Variants in ZNF132 observed in about 807,000 individuals in gnomAD.
ZNF132 encodes zinc finger protein 132 (clone pHZ-12).
ZNF132 carries 6 observed loss-of-function variants against 9.3 expected under a neutral mutation model. The observed-to-expected ratio is 0.65, with a 90% CI of 0.35 to 1.28. The LOEUF (loss-of-function observed/expected upper bound fraction) is 1.28. ZNF132 is among the 50% of genes most tolerant of loss of function. The pLI, the probability that ZNF132 is intolerant of heterozygous loss-of-function variation, is 0.03. For missense variants in ZNF132, 877 were observed against 843.2 expected, an observed-to-expected ratio of 1.04 and a Z score of -0.50; for synonymous variants, 296 against 292.0, an observed-to-expected ratio of 1.01 and a Z score of -0.14.
At chr19:58,438,442 C>T (rs1332006982) in intron 1 of ZNF132, among the ~76,000 whole-genome samples, 2 of 151,806 alleles carry the variant, frequency 1.3e-5, no homozygotes, top group Non-Finnish European at 2.9e-5. Context: ...CTCCTCACAC[C>T]AACTTCCACA....
Position 58,434,643 on chromosome 19 carries a change from T to G in ZNF132, c.801A>C (p.Pro267=). The G allele has an allele frequency of 6.2e-7, 1 of 1,614,250 alleles. No individual in the cohort carries two copies. Among genetic ancestry groups the G allele is most frequent in the Non-Finnish European group, 8.5e-7 (1 of 1,180,046 alleles). ...THSEEIPFTC[P]TGGNFLEEKS... Reference sequence around the variant, plus strand: ...TCTCCTCTAAGAAATTTCCACCTGTTGGGCATGTAAATGGTATCTCTTCAG... The same window carrying G: ...TCTCCTCTAAGAAATTTCCACCTGTGGGGCATGTAAATGGTATCTCTTCAG... The change falls in exon 3 of 3, where the codon CCA becomes CCC. Residue 267 remains proline, a synonymous_variant. Coordinates refer to ENST00000254166, the MANE Select transcript of ZNF132 (RefSeq NM_003433.4).
chr19:58,433,480 T>C lies in ZNF132; in HGVS notation c.1964A>G (p.Tyr655Cys). The C allele has an allele frequency of 6.2e-7, 1 of 1,614,132 alleles. No homozygotes were observed. The highest frequency in any genetic ancestry group is 8.5e-7 in the Non-Finnish European group (1 of 1,180,010). ...GGCTTTTCCACACTGGATGCACTCA[T>C]AGGGCCTTTCTTGTGTGTGAACTCT... ...HQRVHTQERP[Y>C]ECIQCGKAFS... Residue 655 changes from tyrosine to cysteine, a missense_variant, in exon 3 of 3, where the codon TAT (tyrosine) becomes TGT (cysteine). Physicochemically the swap from Tyr to Cys is radical, Grantham distance 194. Coordinates refer to ENST00000254166, the MANE Select transcript of ZNF132 (RefSeq NM_003433.4).
Position 58,439,963 on chromosome 19 carries a change from G to C in ZNF132, c.-142C>G. The C allele has an allele frequency of 1.3e-6, 1 of 759,614 alleles. No individual in the cohort carries two copies. The highest frequency in any genetic ancestry group is 1.7e-5 in the South Asian group (1 of 57,616). 47.1% of individuals were successfully genotyped at this position (759,614 alleles called of 1,614,324 possible). The stretch of plus-strand genomic sequence containing the variant: ...ACCGCAGGGACGAAGGCTGGGTATG[G>C]AGACCCTGGAGACGCGTGGCGCTGG... On this transcript the variant is annotated 5_prime_UTR_variant, in exon 1 of 3. Coordinates refer to ENST00000254166, the MANE Select transcript of ZNF132 (RefSeq NM_003433.4).
Position 58,434,962 on chromosome 19 carries a change from T to G in ZNF132, c.482A>C (p.Gln161Pro). 1 of 1,614,206 alleles carries G rather than the reference T, an allele frequency of 6.2e-7. No individual in the cohort carries two copies. Among genetic ancestry groups the G allele is most frequent in the South Asian group, 1.1e-5 (1 of 91,078 alleles). The change falls in exon 3 of 3, where the codon CAG (glutamine) becomes CCG (proline). Residue 161 changes from glutamine (Q) to proline (P), a missense_variant. Transcript: ENST00000254166. ...FWLNANLHQH[Q>P]KEHSGGKPFR... ...GGGCTTCCCTCCACTGTGCTCCTTC[T>G]GGTGCTGGTGAAGGTTTGCATTCAA...
chr19:58,434,622 C>G lies in ZNF132; in HGVS notation c.822G>C (p.Glu274Asp). 1 of 1,614,176 alleles carries G rather than the reference C, an allele frequency of 6.2e-7. No homozygotes were observed. The highest frequency in any genetic ancestry group is 8.5e-7 in the Non-Finnish European group (1 of 1,180,026). The part of the protein sequence containing the change: ...FTCPTGGNFL[E>D]EKSILGNKKF... ...TTTTATTACCAAGGATTGATTTCTCCTCTAAGAAATTTCCACCTGTTGGGC... is the reference window on the plus strand; with the variant it reads ...TTTTATTACCAAGGATTGATTTCTCGTCTAAGAAATTTCCACCTGTTGGGC... Residue 274 changes from glutamate to aspartate, a missense_variant, in exon 3 of 3, where the codon GAG becomes GAC. By Grantham distance (45) the Glu-to-Asp change is conservative (BLOSUM62 2). Coordinates refer to ENST00000254166, the MANE Select transcript of ZNF132 (RefSeq NM_003433.4).
In ZNF132 at chr19:58,434,636, C is replaced by T. The variant is rs139148523; in HGVS notation, c.808G>A (p.Gly270Arg). 6 of 1,614,126 alleles carry T rather than the reference C, an allele frequency of 3.7e-6. No homozygotes were observed. The highest frequency in any genetic ancestry group is 5.1e-6 in the Non-Finnish European group (6 of 1,180,016). Residue 270 changes from glycine (G) to arginine (R), a missense_variant, in exon 3 of 3, where the codon GGA becomes AGA. Transcript: ENST00000254166. ...EEIPFTCPTG[G>R]NFLEEKSILG... ...ATTGATTTCTCCTCTAAGAAATTTC[C>T]ACCTGTTGGGCATGTAAATGGTATC...
Position 58,437,211 on chromosome 19 carries a change from G to T in ZNF132, c.68C>A (p.Thr23Asn), listed in dbSNP as rs370065697. 1.9e-6 allele frequency: 3 copies of T among 1,589,750 alleles called. No individual in the cohort carries two copies. The highest frequency in any genetic ancestry group is 2.7e-5 in the African/African-American group (2 of 73,904). Residue 23 changes from threonine to asparagine, a missense_variant, in exon 2 of 3, where the codon ACT becomes AAT. By Grantham distance (65) the Thr-to-Asn change is moderately conservative. Transcript: ENST00000254166. ...PALLMGPAQH[T>N]SWPCGSAVPT... ...GACAGCTGAGCCACAGGGCCAAGAA[G>T]TATGCTGACAAAGAAACAAACAATT...
At chr19:58,435,384 G>A in intron 2 of ZNF132, 173 bp from the exon 3 acceptor site, 1 of 711,446 alleles carries the variant, frequency 1.4e-6, no homozygotes, top group East Asian at 2.7e-5. Context: ...GCAGGATAGG[G>A]ACCAGCCAAG....
Position 58,434,057 on chromosome 19 carries a change from C to G in ZNF132, c.1387G>C (p.Glu463Gln). The G allele has an allele frequency of 6.2e-7, 1 of 1,613,614 alleles. No homozygotes were observed. ...HTGERPFECS[E>Q]CGRDFSQSSH... is the part of the protein sequence containing the mutation. ...CTTTGGCTGAAGTCTCTTCCACATT[C>G]ACTGCACTCAAAAGGCCGTTCTCCG... Residue 463 changes from glutamate to glutamine, a missense_variant, in exon 3 of 3, where the codon GAA (glutamate) becomes CAA (glutamine). Transcript: ENST00000254166.
In ZNF132 at chr19:58,433,002, G is replaced by GGATCA; in HGVS notation, c.*320_*321insTGATC. 4.7e-6 allele frequency: 1 copy of GGATCA among 211,912 alleles called. No homozygotes were observed. The highest frequency in any genetic ancestry group is 6.1e-5 in the East Asian group (1 of 16,418). The allele number at this position is 211,912 out of a possible 1,614,324, so 13.1% of individuals were successfully genotyped here. Reference sequence around the variant, plus strand: ...CCCTCAAGGCCCCTCAACCAGCATCGGTTCAGCTGAGCACAGTCCTGAATC... The same window carrying GGATCA: ...CCCTCAAGGCCCCTCAACCAGCATCGGATCAGTTCAGCTGAGCACAGTCCTGAATC... On this transcript the variant is annotated 3_prime_UTR_variant, in exon 3 of 3. Coordinates refer to ENST00000254166, the MANE Select transcript of ZNF132 (RefSeq NM_003433.4).
intron 1 of ZNF132, among the ~76,000 whole-genome samples, chr19:58,439,354 G>A (rs4603677): frequency 6.6e-6 from 1 of 151,916 alleles, no homozygotes; most frequent in Non-Finnish European, 1.5e-5. Context: ...ACCTTCCATG[G>A]CTCCCACCAC....
Position 58,434,540 on chromosome 19 carries a change from G to T in ZNF132, c.904C>A (p.His302Asn). Residue 302 changes from histidine to asparagine, a missense_variant, in exon 3 of 3, where the codon CAC becomes AAC. Physicochemically the swap from His to Asn is moderately conservative, Grantham distance 68 (BLOSUM62 1). Transcript: ENST00000254166. ...VCKECGKAFS[H>N]SSKLRKHQKF... ...TGGTGCTTCCTCAGCTTAGATGAGT[G>T]ACTAAAGGCCTTCCCACACTCCTTA... 1 of 1,614,180 alleles carries T rather than the reference G, an allele frequency of 6.2e-7. No homozygotes were observed. The highest frequency in any genetic ancestry group is 8.5e-7 in the Non-Finnish European group (1 of 1,180,034).
chr19:58,439,080 C>G (rs1409755173), intron 1 of ZNF132, among the ~76,000 whole-genome samples: 1 of 152,168 alleles, frequency 6.6e-6, no homozygotes, highest in Non-Finnish European at 1.5e-5. Flanking sequence ...AGCCTTAGGT[C>G]AATCTTAACA....
At chr19:58,435,317 G>A (rs1044593277) in intron 2 of ZNF132, 106 bp from the exon 3 acceptor site, 2 of 1,325,966 alleles carry the variant, frequency 1.5e-6, no homozygotes, top group African/African-American at 2.9e-5. Flanking sequence ...AGGTCCCAGG[G>A]ATTGCTGACA....
chr19:58,433,369 A>G lies in ZNF132; in HGVS notation c.2075T>C (p.Phe692Ser). The G allele has an allele frequency of 6.2e-7, 1 of 1,614,214 alleles. No individual in the cohort carries two copies. Among genetic ancestry groups the G allele is most frequent in the South Asian group, 1.1e-5 (1 of 91,090 alleles). Residue 692 changes from phenylalanine (F) to serine (S), a missense_variant, in exon 3 of 3, where the codon TTC becomes TCC. By Grantham distance (155) the Phe-to-Ser change is radical. Transcript: ENST00000254166. ...TYECSQCGKLFSHLCNLAQHK... is the reference protein window; with the variant it reads ...TYECSQCGKLSSHLCNLAQHK... ...CTGTGCAAGGTTACAAAGATGGCTGAAGAGTTTCCCACACTGGCTACACTC... is the reference window on the plus strand; with the variant it reads ...CTGTGCAAGGTTACAAAGATGGCTGGAGAGTTTCCCACACTGGCTACACTC...
In ZNF132 at chr19:58,433,431, A is replaced by C. The variant is rs2052753664; in HGVS notation, c.2013T>G (p.Val671=). The change falls in exon 3 of 3, where the codon GTT becomes GTG. Residue 671 remains valine (V), a synonymous_variant. Transcript: ENST00000254166. ...CTCTGGTGTGAACTTTCTGGTGCCG[A>C]ACAAGTGTAGATCTTTCACTAAAGG... ...GKAFSERSTL[V]RHQKVHTRER... 1.2e-6 allele frequency: 2 copies of C among 1,614,146 alleles called. No individual in the cohort carries two copies. The highest frequency in any genetic ancestry group is 1.3e-5 in the African/African-American group (1 of 75,036).
chr19:58,439,958 G>GT lies in ZNF132; in HGVS notation c.-138dup. 1 of 856,292 alleles carries GT rather than the reference G, an allele frequency of 1.2e-6. No individual in the cohort carries two copies. Among genetic ancestry groups the GT allele is most frequent in the Non-Finnish European group, 1.8e-6 (1 of 559,466 alleles). The allele number at this position is 856,292 out of a possible 1,614,324, so 53.0% of individuals were successfully genotyped here. On this transcript the variant is annotated 5_prime_UTR_variant, in exon 1 of 3. It removes the in-frame stop codon of an upstream open reading frame in the 5' UTR. Transcript: ENST00000254166. The stretch of plus-strand genomic sequence containing the variant: ...TGGGCACCGCAGGGACGAAGGCTGG[G>GT]TATGGAGACCCTGGAGACGCGTGGC...
chr19:58,434,994 G>A lies in ZNF132; in HGVS notation c.450C>T (p.Asp150=), dbSNP rs777716291. 6.2e-7 allele frequency: 1 copy of A among 1,614,178 alleles called. No homozygotes were observed. Residue 150 remains aspartate (D), a synonymous_variant, in exon 3 of 3, where the codon GAC becomes GAT. Coordinates refer to ENST00000254166, the MANE Select transcript of ZNF132 (RefSeq NM_003433.4). ...GGTGAAGGTTTGCATTCAACCAAAA[G>A]TCTCTCCCACATGCTCCACATGTGT... ...KPYTCGACGR[D]FWLNANLHQH...
Position 58,433,910 on chromosome 19 carries a change from G to A in ZNF132, c.1534C>T (p.Gln512Ter), listed in dbSNP as rs1365560607. The A allele has an allele frequency of 1.2e-6, 2 of 1,613,852 alleles. No individual in the cohort carries two copies. The highest frequency in any genetic ancestry group is 3.3e-5 in the Admixed American group (2 of 59,976). ...LIQHQKVHTG[Q>*]RPYECSECRK... The stretch of plus-strand genomic sequence containing the variant: ...CATTCGCTGCACTCATAAGGCCTTT[G>A]CCCAGTATGTACTTTCTGGTGCTGG... The change falls in exon 3 of 3, where the codon CAA (glutamine) becomes TAA (stop). Residue 512 changes from glutamine (Q) to a stop codon, truncating the protein, a stop_gained. Transcript: ENST00000254166. LOFTEE classifies it low-confidence loss of function (END_TRUNC).
Sources: gnomAD v4.1 joint callset for allele counts (sites outside exome capture counted in the v4.1 genomes callset) on GRCh38, gnomAD v4.1.1 for gene constraint, MANE v1.5 for transcripts, NCBI Gene and HGNC (gene_info 2026-07-23, HGNC 2026-07-21) for gene names.